TTC28: variants seen among roughly 807,000 people sequenced by gnomAD.
TTC28 encodes the protein tetratricopeptide repeat domain 28, also known as tetratricopeptide repeat protein 28.
Under a neutral mutation model 198.0 loss-of-function variants are expected in TTC28, and 61 were observed. The observed-to-expected ratio is 0.31, with a 90% CI of 0.25 to 0.38. TTC28 has a LOEUF of 0.38. Among genes scored for constraint, TTC28 ranks in the 10% least tolerant of loss-of-function variants. The probability of loss-of-function intolerance (pLI) is 1.00; values close to 1 mark genes in which losing one functional copy is unlikely to be tolerated. For synonymous variants in TTC28, 1,171 were observed against 1,297.8 expected (o/e 0.90, Z 2.10); for missense variants, 2,678 against 3,164.0 (o/e 0.85, Z 3.69).
intron 12 of TTC28, among the ~76,000 whole-genome samples, chr22:28,051,476 T>C (rs1233147064): frequency 6.6e-6 from 1 of 152,210 alleles, no homozygotes; most frequent in African/African-American, 2.4e-5. Context: ...GTTTTCTCTT[T>C]CTCTTTCTCT....
chr22:27,988,982 G>A (rs1195474217), intron 21 of TTC28, among the ~76,000 whole-genome samples: 1 of 152,182 alleles, frequency 6.6e-6, no homozygotes, highest in Admixed American at 6.5e-5. Context: ...GCTCACTGCT[G>A]CATCTCCAGT....
intron 2 of TTC28, among the ~76,000 whole-genome samples, chr22:28,309,963 T>C (rs953677796): frequency 2.0e-5 from 3 of 152,188 alleles, no homozygotes; most frequent in African/African-American, 7.2e-5. Flanking sequence ...CTTCCATTCA[T>C]TTATTTTCTT....
intron 5 of TTC28, among the ~76,000 whole-genome samples, chr22:28,265,840 T>G (rs537998013): frequency 1.3e-5 from 2 of 152,104 alleles, no homozygotes; most frequent in African/African-American, 4.8e-5. Flanking sequence ...AACACCCAGA[T>G]AGAGGTGAGG....
At position 28,591,003 on chromosome 22, in the gene TTC28, C is replaced by A. The variant is rs1371883424; in HGVS notation, c.381+38549G>T. Among the ~76,000 whole-genome samples, 25 of 66,858 alleles carry A rather than the reference C, an allele frequency of 3.7e-4. 1 individual carries two copies. The Admixed American group carries it at 5.1e-3, about 14-fold the overall frequency. 43.9% of individuals were successfully genotyped at this position (66,858 alleles called of 152,430 possible). On this transcript the variant is annotated intron_variant, in intron 2 of 22. Coordinates refer to ENST00000397906, the MANE Select transcript of TTC28 (RefSeq NM_001145418.2). Reference sequence around the variant, plus strand: ...CCTGGGCGACAAGAGAGAAACTCTGCCTCAAACACACACACACACACACAC... The same window carrying A: ...CCTGGGCGACAAGAGAGAAACTCTGACTCAAACACACACACACACACACAC...
chr22:28,018,205 G>A (rs962192948), intron 13 of TTC28, among the ~76,000 whole-genome samples: 5 of 148,644 alleles, frequency 3.4e-5, no homozygotes, highest in South Asian at 2.1e-4. Context: ...TCAGGCAGGC[G>A]GTCCTTTGAG....
intron 2 of TTC28, among the ~76,000 whole-genome samples, chr22:28,586,831 C>T (rs558908256): frequency 6.8e-4 from 104 of 151,994 alleles, no homozygotes; most frequent in Non-Finnish European, 1.2e-3. Flanking sequence ...CTTTGGATAT[C>T]TATACAATTT....
chr22:27,981,229 A>ATTTTTTTTTTTTTTTTTTTTTTTTTTT lies in TTC28; in HGVS notation c.*991_*992insAAAAAAAAAAAAAAAAAAAAAAAAAAA, dbSNP rs1937001603. ...CTGGTTAAATCTAGTTAGCCATGGA[A>ATTTTTTTTTTTTTTTTTTTTTTTTTTT]ATTTTTTTTTTTTTTTTTTTTTTTT... On this transcript the variant is annotated 3_prime_UTR_variant, in exon 23 of 23. Coordinates refer to ENST00000397906, the MANE Select transcript of TTC28 (RefSeq NM_001145418.2). 1.4e-5 allele frequency: 1 copy of ATTTTTTTTTTTTTTTTTTTTTTTTTTT among 72,686 alleles called. No homozygotes were observed. The highest frequency in any genetic ancestry group is 4.9e-5 in the African/African-American group (1 of 20,420). 4.5% of individuals were successfully genotyped at this position (72,686 alleles called of 1,614,324 possible). A position where few individuals can be genotyped will look rare whatever the true frequency, so the allele number is the denominator to read the frequency against.
chr22:28,022,349 G>A (rs1024774042), intron 13 of TTC28, among the ~76,000 whole-genome samples: 2 of 152,258 alleles, frequency 1.3e-5, no homozygotes, highest in African/African-American at 4.8e-5. Flanking sequence ...AGGTGTGGCT[G>A]CCATTTCTCA....
intron 5 of TTC28, among the ~76,000 whole-genome samples, chr22:28,293,078 A>G (rs2044817999): frequency 6.6e-6 from 1 of 152,238 alleles, no homozygotes; most frequent in East Asian, 1.9e-4. Flanking sequence ...TCAGGAATAC[A>G]GGGATAAAGA....
intron 2 of TTC28, among the ~76,000 whole-genome samples, chr22:28,557,731 A>G (rs2049807721): frequency 6.6e-6 from 1 of 152,186 alleles, no homozygotes; most frequent in Non-Finnish European, 1.5e-5. Context: ...GTGACTTCAA[A>G]TCTAGTTGAT....
intron 5 of TTC28, among the ~76,000 whole-genome samples, chr22:28,225,461 C>T (rs1169274288): frequency 6.6e-6 from 1 of 152,010 alleles, no homozygotes; most frequent in Non-Finnish European, 1.5e-5. Flanking sequence ...TCCCAAGTTA[C>T]CCATTCCTGC....
chr22:28,270,854 C>A (rs1007524119), intron 5 of TTC28, among the ~76,000 whole-genome samples: 1 of 152,002 alleles, frequency 6.6e-6, no homozygotes, highest in Admixed American at 6.6e-5. Context: ...GGCAACATAG[C>A]GAGACTCTTG....
Position 28,005,571 on chromosome 22 carries a change from C to T in TTC28, c.4219-4018G>A, listed in dbSNP as rs1172895146. Among the ~76,000 whole-genome samples the T allele has an allele frequency of 6.6e-6, 1 of 152,226 alleles. No homozygotes were observed. Among genetic ancestry groups the T allele is most frequent in the Non-Finnish European group, 1.5e-5 (1 of 68,032 alleles). On this transcript the variant is annotated intron_variant, in intron 14 of 22. Transcript: ENST00000397906. The surrounding 1 kb of genome is among the most constrained non-coding windows in gnomAD (Gnocchi z 4.9). ...GGGCACTGAGGAGGCAGGAGCCCTC[C>T]TGCTGGCCTGGGTCAGTGGTGGGTG...
intron 2 of TTC28, among the ~76,000 whole-genome samples, chr22:28,499,827 G>A (rs1220488049): frequency 6.6e-6 from 1 of 151,842 alleles, no homozygotes; most frequent in African/African-American, 2.4e-5. Flanking sequence ...TATAAAAATG[G>A]ACATATTTAT....
At chr22:28,271,855 G>A (rs987235736) in intron 5 of TTC28, among the ~76,000 whole-genome samples, 20 of 152,158 alleles carry the variant, frequency 1.3e-4, no homozygotes, top group Non-Finnish European at 1.5e-4. Context: ...CGCCCACCTC[G>A]GCCTCCCAAA....
At chr22:28,190,836 C>T (rs1012636781) in intron 5 of TTC28, among the ~76,000 whole-genome samples, 2 of 152,286 alleles carry the variant, frequency 1.3e-5, no homozygotes, top group African/African-American at 2.4e-5. Context: ...TGTTTTGAGG[C>T]CCCGTTCTTA....
intron 2 of TTC28, among the ~76,000 whole-genome samples, chr22:28,524,205 C>T (rs2048964084): frequency 6.6e-6 from 1 of 152,088 alleles, no homozygotes; most frequent in Non-Finnish European, 1.5e-5. Flanking sequence ...AATTAACGAT[C>T]CCAGCACTTT....
At chr22:28,679,194 C>T (rs1278548566) in intron 1 of TTC28, among the ~76,000 whole-genome samples, 2 of 152,224 alleles carry the variant, frequency 1.3e-5, no homozygotes, top group Non-Finnish European at 2.9e-5. Context: ...CCTCACAAAC[C>T]CCACCCCGGA....
At chr22:28,501,720 A>C (rs1027089958) in intron 2 of TTC28, among the ~76,000 whole-genome samples, 18 of 152,204 alleles carry the variant, frequency 1.2e-4, no homozygotes, top group Non-Finnish European at 1.9e-4. Flanking sequence ...TAAACACCTA[A>C]GTAGTTCTTT....
Sources: gnomAD v4.1 joint callset for allele counts (sites outside exome capture counted in the v4.1 genomes callset) on GRCh38, gnomAD v4.1.1 for gene constraint, Gnocchi (gnomAD v3.1) non-coding constraint, MANE v1.5 for transcripts, NCBI Gene and HGNC (gene_info 2026-07-23, HGNC 2026-07-21) for gene names.